Variants in ALK observed in about 807,000 individuals in gnomAD.
The protein encoded by ALK is ALK tyrosine kinase receptor.
In ALK, 74 loss-of-function variants were observed where a neutral mutation model predicts 163.1. The ratio of observed to expected loss-of-function variants is 0.45; its 90% confidence interval spans 0.38 to 0.55. The LOEUF is 0.55. Ranked by LOEUF, ALK falls within the 20% of genes least tolerant of loss-of-function variation. ALK has a pLI of 0.00. For synonymous variants in ALK, 960 were observed against 843.2 expected (o/e 1.14, Z -2.40); for missense variants, 2,063 against 2,105.3 (o/e 0.98, Z 0.39).
intron 12 of ALK, among the ~76,000 whole-genome samples, chr2:29,247,881 C>T (rs1325844035): frequency 2.0e-5 from 3 of 152,146 alleles, no homozygotes; most frequent in Non-Finnish European, 4.4e-5. Context: ...TTTCTCACGT[C>T]CTCTGGTGCA....
intron 4 of ALK, among the ~76,000 whole-genome samples, chr2:29,418,988 A>G (rs1669950282): frequency 6.6e-6 from 1 of 151,586 alleles, no homozygotes; most frequent in Non-Finnish European, 1.5e-5. Context: ...TAAAAAATAC[A>G]TAGTCTGTGC....
intron 5 of ALK, among the ~76,000 whole-genome samples, chr2:29,345,697 A>G (rs1423314394): frequency 6.6e-6 from 1 of 152,166 alleles, no homozygotes; most frequent in Non-Finnish European, 1.5e-5. Flanking sequence ...AATACCATGA[A>G]AGCAAAAACA....
intron 5 of ALK, among the ~76,000 whole-genome samples, chr2:29,365,646 T>G (rs1379546618): frequency 6.6e-6 from 1 of 152,216 alleles, no homozygotes; most frequent in Non-Finnish European, 1.5e-5. Flanking sequence ...AGGATTTACC[T>G]AGAGTTCTAC....
chr2:29,408,070 C>T (rs1669631734), intron 4 of ALK, among the ~76,000 whole-genome samples: 1 of 149,526 alleles, frequency 6.7e-6, no homozygotes, highest in African/African-American at 2.5e-5. Context: ...CAAAGGTACT[C>T]AGGGAAAGTT....
intron 3 of ALK, among the ~76,000 whole-genome samples, chr2:29,616,702 C>G (rs1675858632): frequency 6.6e-6 from 1 of 152,186 alleles, no homozygotes; most frequent in Admixed American, 6.5e-5. Context: ...CTAACTCTGT[C>G]TTACAACCCA....
intron 3 of ALK, among the ~76,000 whole-genome samples, chr2:29,672,299 T>A (rs1677723107): frequency 6.6e-6 from 1 of 151,756 alleles, no homozygotes; most frequent in Non-Finnish European, 1.5e-5. Context: ...TAGCATTAGG[T>A]ATATCTCCCA....
At chr2:29,714,827 A>T (rs1443841641) in intron 2 of ALK, among the ~76,000 whole-genome samples, 1 of 152,214 alleles carries the variant, frequency 6.6e-6, no homozygotes, top group Non-Finnish European at 1.5e-5. Flanking sequence ...TTTATCACCC[A>T]ACTCAGCTGG....
intron 1 of ALK, among the ~76,000 whole-genome samples, chr2:29,889,573 CGAGAGAAAGTGACAGCA>C (rs1667082985): frequency 6.6e-6 from 1 of 151,476 alleles, no homozygotes; most frequent in South Asian, 2.1e-4. Flanking sequence ...AAGTGACAGC[CGAGAGAAAGTGACAGCA>C]GAGAGACAGC....
intron 4 of ALK, among the ~76,000 whole-genome samples, chr2:29,447,045 C>G (rs1260561446): frequency 1.3e-5 from 2 of 152,178 alleles, no homozygotes; most frequent in African/African-American, 4.8e-5. Context: ...AGTAAGGAAC[C>G]AACCCTCCCC....
chr2:29,658,691 T>A (rs899833587), intron 3 of ALK, among the ~76,000 whole-genome samples: 1 of 152,212 alleles, frequency 6.6e-6, no homozygotes, highest in Admixed American at 6.5e-5. Context: ...TGCCATTTTA[T>A]TTAGCATACA....
intron 4 of ALK, among the ~76,000 whole-genome samples, chr2:29,459,402 T>C (rs1009627519): frequency 9.9e-5 from 15 of 152,136 alleles, no homozygotes; most frequent in African/African-American, 3.6e-4. Context: ...GCTCCCTCTC[T>C]TCTGTCAGCA....
chr2:29,754,912 C>T, intron 1 of ALK, among the ~76,000 whole-genome samples: 1 of 152,098 alleles, frequency 6.6e-6, no homozygotes, highest in East Asian at 1.9e-4. Flanking sequence ...GTGTTCAGGA[C>T]AAAAATGTCT....
chr2:29,841,440 G>A (rs537252139), intron 1 of ALK, among the ~76,000 whole-genome samples: 1 of 152,320 alleles, frequency 6.6e-6, no homozygotes, highest in Non-Finnish European at 1.5e-5. Flanking sequence ...CATGGCAGGT[G>A]CTCTTCCATT....
intron 3 of ALK, among the ~76,000 whole-genome samples, chr2:29,611,958 C>A (rs1039306430): frequency 6.6e-6 from 1 of 152,140 alleles, no homozygotes; most frequent in African/African-American, 2.4e-5. Flanking sequence ...CAGACTAATA[C>A]AATAAATAAA....
intron 4 of ALK, among the ~76,000 whole-genome samples, chr2:29,456,223 T>C (rs1394032365): frequency 1.3e-5 from 2 of 152,234 alleles, no homozygotes; most frequent in African/African-American, 2.4e-5. Context: ...CCTGGGCATA[T>C]ACTGGAGAGA....
At chr2:29,275,286 A>G (rs1665505703) in intron 10 of ALK, 59 bp from the exon 11 acceptor site, 1 of 1,611,864 alleles carries the variant, frequency 6.2e-7, no homozygotes, top group Non-Finnish European at 8.5e-7. Flanking sequence ...AGGGTGAGAG[A>G]TGATTTCACA....
At chr2:29,866,370 C>T (rs1324735335) in intron 1 of ALK, among the ~76,000 whole-genome samples, 1 of 152,158 alleles carries the variant, frequency 6.6e-6, no homozygotes. Flanking sequence ...CAGCATGGTG[C>T]AACTCGACAC....
At chr2:29,689,432 C>T (rs1678331599) in intron 3 of ALK, among the ~76,000 whole-genome samples, 1 of 152,198 alleles carries the variant, frequency 6.6e-6, no homozygotes, top group African/African-American at 2.4e-5. Flanking sequence ...ATACAGTTCA[C>T]TTGAGAGGTG....
rs202010057 is a variant in ALK at position 29,214,067 on chromosome 2, G to C, written c.3660C>G (p.Ser1220=). 3.3e-5 allele frequency: 53 copies of C among 1,614,066 alleles called. No homozygotes were observed. Among genetic ancestry groups the C allele is most frequent in the Admixed American group, 5.0e-5 (3 of 60,028 alleles). The change falls in exon 24 of 29, where the codon TCC becomes TCG. Residue 1220 remains serine (S), a synonymous_variant. Coordinates refer to ENST00000389048, the MANE Select transcript of ALK (RefSeq NM_004304.5). Reference sequence around the variant, plus strand: ...CGTGCAGAAGGTCCAGCATGGCCAGGGAGGAGGGCTGGCTCTGTGGGGAGA... The same window carrying C: ...CGTGCAGAAGGTCCAGCATGGCCAGCGAGGAGGGCTGGCTCTGTGGGGAGA... The part of the protein sequence containing the change: ...ETRPRPSQPS[S]LAMLDLLHVA...
Sources: allele counts gnomAD v4.1 joint callset (sites outside exome capture counted in the v4.1 genomes callset), GRCh38; gene constraint gnomAD v4.1.1; transcripts MANE v1.5; gene names NCBI Gene and HGNC (gene_info 2026-07-23, HGNC 2026-07-21).